Variants in MTOR observed in about 807,000 individuals in gnomAD.
MTOR encodes the protein mechanistic target of rapamycin kinase.
A neutral mutation model predicts 319.8 loss-of-function variants in MTOR; 70 were observed. That is an observed-to-expected ratio of 0.22 (90% CI 0.18 to 0.27). The LOEUF is 0.27. Ranked by LOEUF, MTOR falls within the 10% of genes least tolerant of loss-of-function variation. The probability of loss-of-function intolerance (pLI) is 1.00; values close to 1 mark genes in which losing one functional copy is unlikely to be tolerated. For missense variants in MTOR, 1,890 were observed against 3,274.4 expected (o/e 0.58, Z 10.32); for synonymous variants, 1,183 against 1,211.4 (o/e 0.98, Z 0.49).
At chr1:11,217,840 G>A (rs188689917) in intron 19 of MTOR, among the ~76,000 whole-genome samples, 4 of 151,754 alleles carry the variant, frequency 2.6e-5, no homozygotes, top group African/African-American at 9.7e-5. Flanking sequence ...TAAATAAAAA[G>A]CATTACTTAA....
intron 49 of MTOR, among the ~76,000 whole-genome samples, chr1:11,120,398 C>T (rs1335195011): frequency 6.6e-6 from 1 of 152,026 alleles, no homozygotes; most frequent in African/African-American, 2.4e-5. Flanking sequence ...AATTAACCCA[C>T]ATGGTGGTAC....
rs28730680 is a variant in MTOR at position 11,109,182 on chromosome 1, T to C, written c.7528+108A>G. The C allele has an allele frequency of 8.9e-4, 812 of 911,254 alleles. 4 individuals are homozygous for C. The African/African-American group carries it at 0.012, about 13-fold the overall frequency. The allele number at this position is 911,254 out of a possible 1,614,324, so 56.4% of individuals were successfully genotyped here. On this transcript the variant is annotated intron_variant, in intron 56 of 57. Coordinates refer to ENST00000361445, the MANE Select transcript of MTOR (RefSeq NM_004958.4). The surrounding 1 kb of genome is among the most constrained non-coding windows in gnomAD (Gnocchi z 4.0). ...AAGACACTCTTTGTCAGCTGCATGGTGCCAAAGCTCGTCACTAACACCACT... is the reference window on the plus strand; with the variant it reads ...AAGACACTCTTTGTCAGCTGCATGGCGCCAAAGCTCGTCACTAACACCACT...
chr1:11,133,351 C>T lies in MTOR; in HGVS notation c.5247-154G>A, dbSNP rs12122483. ...GGAGCTAGCAAAATTTTCAGCCACA[C>T]GCAAGAAAGGAGATGGGCTTTTGGA... On this transcript the variant is annotated intron_variant, in intron 37 of 57. Coordinates refer to ENST00000361445, the MANE Select transcript of MTOR (RefSeq NM_004958.4). This position sits in a 1 kb window ranked among gnomAD's most constrained non-coding sequence, Gnocchi z 4.0. Among the ~76,000 whole-genome samples, 8,993 of 152,180 alleles carry T rather than the reference C, an allele frequency of 0.059. 369 individuals carry two copies. Among genetic ancestry groups the T allele is most frequent in the South Asian group, 0.12 (600 of 4,826 alleles).
At chr1:11,227,310 A>G (rs1646875931) in intron 19 of MTOR, among the ~76,000 whole-genome samples, 1 of 150,662 alleles carries the variant, frequency 6.6e-6, no homozygotes, top group Non-Finnish European at 1.5e-5. Context: ...AAAAAAAAAA[A>G]AAAAAAAAAA....
Position 11,109,605 on chromosome 1 carries a change from T to C in MTOR, c.7447+44A>G. ...GGGTATAACACAGCTGCTATTTTCT[T>C]AATGAGCTAGTCACTGGTGCGGTTC... On this transcript the variant is annotated intron_variant, in intron 55 of 57. Coordinates refer to ENST00000361445, the MANE Select transcript of MTOR (RefSeq NM_004958.4). This position sits in a 1 kb window ranked among gnomAD's most constrained non-coding sequence, Gnocchi z 4.0. 2 of 1,576,522 alleles carry C rather than the reference T, an allele frequency of 1.3e-6. No individual in the cohort carries two copies. The highest frequency in any genetic ancestry group is 1.7e-6 in the Non-Finnish European group (2 of 1,145,738).
At chr1:11,157,923 G>A (rs1251561291) in intron 29 of MTOR, among the ~76,000 whole-genome samples, 1 of 152,120 alleles carries the variant, frequency 6.6e-6, no homozygotes, top group Admixed American at 6.5e-5. Context: ...TTCTTCTAGA[G>A]TCTCCCATCC....
In MTOR at chr1:11,247,776, T is replaced by C. The variant is rs199852171; in HGVS notation, c.1116+43A>G. ...AAGGGTTGGCAGGGGAAAAGTGAGGTGTGGAGCTTAGGAAAAGAGGGAAAG... is the reference window on the plus strand; with the variant it reads ...AAGGGTTGGCAGGGGAAAAGTGAGGCGTGGAGCTTAGGAAAAGAGGGAAAG... On this transcript the variant is annotated intron_variant, in intron 7 of 57. Coordinates refer to ENST00000361445, the MANE Select transcript of MTOR (RefSeq NM_004958.4). The C allele has an allele frequency of 4.0e-5, 64 of 1,613,080 alleles. No homozygotes were observed. The African/African-American group carries it at 8.0e-4, about 20-fold the overall frequency.
intron 29 of MTOR, among the ~76,000 whole-genome samples, chr1:11,162,402 G>A (rs1472719631): frequency 6.6e-6 from 1 of 152,128 alleles, no homozygotes; most frequent in Non-Finnish European, 1.5e-5. Context: ...TAGCAAGGCA[G>A]GCCAACATTC....
At chr1:11,219,209 G>C (rs1008066770) in intron 19 of MTOR, among the ~76,000 whole-genome samples, 1 of 147,364 alleles carries the variant, frequency 6.8e-6, no homozygotes, top group East Asian at 2.0e-4. Flanking sequence ...GTGAGACCCT[G>C]TTTCAAAAAA....
intron 28 of MTOR, among the ~76,000 whole-genome samples, chr1:11,188,764 C>A (rs911578897): frequency 6.6e-6 from 1 of 152,184 alleles, no homozygotes; most frequent in South Asian, 2.1e-4. Flanking sequence ...GAGATTTACT[C>A]TATTCTTCTA....
chr1:11,204,881 AC>A lies in MTOR; in HGVS notation c.3802-179del, dbSNP rs368828071. ...TTTAATTAAGAACAGCAACTCTGGA[AC>A]ATACCACACTGTGGAAAAAGCCTGT... is the stretch of plus-strand genomic sequence containing the variant. On this transcript the variant is annotated intron_variant, in intron 25 of 57. Coordinates refer to ENST00000361445, the MANE Select transcript of MTOR (RefSeq NM_004958.4). 6.4e-3 allele frequency among the ~76,000 whole-genome samples: 974 copies of A among 152,392 alleles called. 16 individuals carry two copies. The highest frequency in any genetic ancestry group is 0.023 in the African/African-American group (950 of 41,596).
At position 11,129,965 on chromosome 1, in the gene MTOR, G is replaced by GA; in HGVS notation, c.5614-128dup. ...ATAACAATTAAATCGGTTAATGCAT[G>GA]AAAAATCTTTAATCATTACCTGGCA... is the stretch of plus-strand genomic sequence containing the variant. On this transcript the variant is annotated intron_variant, in intron 39 of 57. Coordinates refer to ENST00000361445, the MANE Select transcript of MTOR (RefSeq NM_004958.4). The surrounding 1 kb of genome is among the most constrained non-coding windows in gnomAD (Gnocchi z 4.7). 1.4e-6 allele frequency: 1 copy of GA among 736,320 alleles called. No homozygotes were observed. The highest frequency in any genetic ancestry group is 2.3e-6 in the Non-Finnish European group (1 of 435,542). 45.6% of individuals were successfully genotyped at this position (736,320 alleles called of 1,614,324 possible). A position where few individuals can be genotyped will look rare whatever the true frequency, so the allele number is the denominator to read the frequency against.
Position 11,129,171 on chromosome 1 carries a change from G to A in MTOR, c.5715-220C>T, listed in dbSNP as rs1570944952. Reference sequence around the variant, plus strand: ...CTGAGCAAATGAGCATTTCATCCCAGGTCACCGAGGGGTCACCATGGCATG... The same window carrying A: ...CTGAGCAAATGAGCATTTCATCCCAAGTCACCGAGGGGTCACCATGGCATG... On this transcript the variant is annotated intron_variant, in intron 40 of 57. Coordinates refer to ENST00000361445, the MANE Select transcript of MTOR (RefSeq NM_004958.4). The surrounding 1 kb of genome is among the most constrained non-coding windows in gnomAD (Gnocchi z 4.7). Among the ~76,000 whole-genome samples, 1 of 152,152 alleles carries A rather than the reference G, an allele frequency of 6.6e-6. No individual in the cohort carries two copies. Among genetic ancestry groups the A allele is most frequent in the South Asian group, 2.1e-4 (1 of 4,820 alleles).
intron 54 of MTOR, among the ~76,000 whole-genome samples, chr1:11,110,523 A>C (rs1641807137): frequency 6.6e-6 from 1 of 151,744 alleles, no homozygotes; most frequent in African/African-American, 2.4e-5. Context: ...CTGCCTCCCG[A>C]GTAGCTGGGA....
At chr1:11,237,612 G>A (rs868268942) in intron 13 of MTOR, among the ~76,000 whole-genome samples, 30 of 152,060 alleles carry the variant, frequency 2.0e-4, no homozygotes, top group African/African-American at 6.5e-4. Flanking sequence ...TGCATGAGAG[G>A]ACTCTGAACC....
intron 29 of MTOR, among the ~76,000 whole-genome samples, chr1:11,164,026 A>T (rs2100595152): frequency 6.6e-6 from 1 of 152,356 alleles, no homozygotes; most frequent in East Asian, 1.9e-4. Flanking sequence ...AACAAAATTG[A>T]TAGACCACTA....
intron 28 of MTOR, among the ~76,000 whole-genome samples, chr1:11,174,018 A>G (rs1644907084): frequency 6.6e-6 from 1 of 152,234 alleles, no homozygotes; most frequent in Non-Finnish European, 1.5e-5. Flanking sequence ...CTGTGAAACT[A>G]TTATTAATAT....
Position 11,107,589 on chromosome 1 carries a change from T to C in MTOR, c.7635-89A>G, listed in dbSNP as rs529737999. 545 of 1,418,280 alleles carry C rather than the reference T, an allele frequency of 3.8e-4. 6 individuals are homozygous for C. The South Asian group carries it at 5.5e-3, about 14-fold the overall frequency. 87.9% of individuals were successfully genotyped at this position (1,418,280 alleles called of 1,614,324 possible). A position where few individuals can be genotyped will look rare whatever the true frequency, so the allele number is the denominator to read the frequency against. ...TAACTTGAAAATGAAAAGGCCAAGG[T>C]CTGACAACCCTAGGGTATTCCCTGA... On this transcript the variant is annotated intron_variant, in intron 57 of 57. Coordinates refer to ENST00000361445, the MANE Select transcript of MTOR (RefSeq NM_004958.4).
intron 32 of MTOR, 101 bp downstream of exon 32, chr1:11,146,575 T>A: frequency 1.2e-6 from 1 of 852,110 alleles, no homozygotes; most frequent in African/African-American, 1.7e-5. Context: ...CGAGTAAACA[T>A]CAGACCTGAA....
Sources: gnomAD v4.1 joint callset for allele counts (sites outside exome capture counted in the v4.1 genomes callset) on GRCh38, gnomAD v4.1.1 for gene constraint, Gnocchi (gnomAD v3.1) non-coding constraint, MANE v1.5 for transcripts, NCBI Gene and HGNC (gene_info 2026-07-23, HGNC 2026-07-21) for gene names.